The following SYVN1 variants were observed in gnomAD, a reference collection of about 807,000 sequenced individuals.
SYVN1 encodes the protein E3 ubiquitin-protein ligase synoviolin.
Under a neutral mutation model 62.6 loss-of-function variants are expected in SYVN1, and 17 were observed. The ratio of observed to expected loss-of-function variants is 0.27; its 90% CI spans 0.19 to 0.41. The LOEUF (loss-of-function observed/expected upper bound fraction) is 0.41. Among genes scored for constraint, SYVN1 ranks in the 10% least tolerant of loss-of-function variants. The pLI is 1.00. For synonymous variants in SYVN1, 316 were observed against 304.0 expected (o/e 1.04, Z -0.41); for missense variants, 634 against 818.0 (o/e 0.78, Z 2.74).
At position 65,131,168 on chromosome 11, in the gene SYVN1, ATGG is replaced by A; in HGVS notation, c.785_787del (p.Ala262_Ile263delinsVal). The A allele has an allele frequency of 6.2e-7, 1 of 1,614,166 alleles. No homozygotes were observed. The highest frequency in any genetic ancestry group is 8.5e-7 in the Non-Finnish European group (1 of 1,180,020). ...GTTGCGGATGGCTCGGCGAGACATG[ATGG>A]CATCTGTCACAGCTTTCTTGAACTG... On this transcript the variant is annotated inframe_deletion, in exon 9 of 16. Transcript: ENST00000377190.
chr11:65,127,297 A>C lies in SYVN1; in HGVS notation c.*1085T>G. ...CCACCAATTGTTAATGCAAGTTTTT[A>C]TTTGGCTGTATATACAATTTAAGCT... On this transcript the variant is annotated 3_prime_UTR_variant, in exon 16 of 16. Coordinates refer to ENST00000377190, the MANE Select transcript of SYVN1 (RefSeq NM_172230.3). The C allele has an allele frequency of 2.2e-6, 1 of 459,002 alleles. No individual in the cohort carries two copies. Among genetic ancestry groups the C allele is most frequent in the Non-Finnish European group, 3.8e-6 (1 of 260,276 alleles). The allele number at this position is 459,002 out of a possible 1,614,324, so 28.4% of individuals were successfully genotyped here. A position where few individuals can be genotyped will look rare whatever the true frequency, so the allele number is the denominator to read the frequency against.
chr11:65,133,507 G>C lies in SYVN1; in HGVS notation c.95C>G (p.Thr32Ser), dbSNP rs1948207814. Reference protein sequence around the residue: ...AYYLKHQFYPTVVYLTKSSPS... With the variant: ...AYYLKHQFYPSVVYLTKSSPS... Reference sequence around the variant, plus strand: ...GCTGGACTTGGTCAGGTACACCACAGTGGGGTAGAACTGGTGTTTGAGGTA... The same window carrying C: ...GCTGGACTTGGTCAGGTACACCACACTGGGGTAGAACTGGTGTTTGAGGTA... The change falls in exon 2 of 16, where the codon ACT (threonine) becomes AGT (serine). Residue 32 changes from threonine (T) to serine (S), a missense_variant. By Grantham distance (58) the Thr-to-Ser change is moderately conservative (BLOSUM62 1). Coordinates refer to ENST00000377190, the MANE Select transcript of SYVN1 (RefSeq NM_172230.3). The C allele has an allele frequency of 1.2e-6, 2 of 1,613,872 alleles. No individual in the cohort carries two copies. Among genetic ancestry groups the C allele is most frequent in the Non-Finnish European group, 1.7e-6 (2 of 1,180,040 alleles).
At position 65,128,270 on chromosome 11, in the gene SYVN1, TG is replaced by T; in HGVS notation, c.*111del. ...GGGGATGCCGCCTCTTTCTCAGAGC[TG>T]GGGGTACTACTCCCTGGTGCAGACA... is the stretch of plus-strand genomic sequence containing the variant. On this transcript the variant is annotated 3_prime_UTR_variant, in exon 16 of 16. Transcript: ENST00000377190. The T allele has an allele frequency of 1.1e-6, 1 of 885,748 alleles. No homozygotes were observed. 54.9% of individuals were successfully genotyped at this position (885,748 alleles called of 1,614,324 possible).
At position 65,128,713 on chromosome 11, in the gene SYVN1, G is replaced by A. The variant is rs932236637; in HGVS notation, c.1597C>T (p.Pro533Ser). Residue 533 changes from proline to serine, a missense_variant and splice_region_variant, in exon 15 of 16, where the codon CCC becomes TCC. This residue lies in a region of SYVN1 where 351 missense variants were observed against 373.3 expected (regional missense o/e 0.94). Transcript: ENST00000377190. ...QYLTVLASLG[P>S]PRPATSVNST... ...TTGACTGAAGTGGCAGGCCGGGGGG[G>A]CCTGGGAAGAGAAGGGACGAGAGGC... is the stretch of plus-strand genomic sequence containing the variant. 2.5e-6 allele frequency: 4 copies of A among 1,605,108 alleles called. 1 individual carries two copies. In the African/African-American group the frequency reaches 4.0e-5, roughly 16 times the overall value.
In SYVN1 at chr11:65,130,643, G is replaced by A; in HGVS notation, c.1105+17C>T. ...TATCCAGTGGTATGCCGGGTGGCCA[G>A]ACAAGGGGATACTCACAGTTGGGGG... is the stretch of plus-strand genomic sequence containing the variant. On this transcript the variant is annotated intron_variant, in intron 11 of 15. Coordinates refer to ENST00000377190, the MANE Select transcript of SYVN1 (RefSeq NM_172230.3). 1 of 1,302,294 alleles carries A rather than the reference G, an allele frequency of 7.7e-7. No homozygotes were observed. Among genetic ancestry groups the A allele is most frequent in the Non-Finnish European group, 9.9e-7 (1 of 1,006,610 alleles). The allele number at this position is 1,302,294 out of a possible 1,614,324, so 80.7% of individuals were successfully genotyped here.
In SYVN1 at chr11:65,128,574, T is replaced by C; in HGVS notation, c.1736A>G (p.Glu579Gly). The change falls in exon 15 of 16, where the codon GAA becomes GGA. Residue 579 changes from glutamate to glycine, a missense_variant. Glu to Gly is a moderately conservative substitution (Grantham distance 98). Transcript: ENST00000377190. The stretch of plus-strand genomic sequence containing the variant: ...CCAATCACACCTACCTGGAGGCCTT[T>C]CCATTTCAGGGGCTGGTGGGGAGGC... The part of the protein sequence containing the change: ...PGASPPAPEM[E>G]RPPAPESVGT... 6 of 1,614,018 alleles carry C rather than the reference T, an allele frequency of 3.7e-6. No homozygotes were observed. The highest frequency in any genetic ancestry group is 5.1e-6 in the Non-Finnish European group (6 of 1,179,974).
At position 65,129,876 on chromosome 11, in the gene SYVN1, C is replaced by G. The variant is rs1266794388; in HGVS notation, c.1448G>C (p.Gly483Ala). Residue 483 changes from glycine (G) to alanine (A), a missense_variant, in exon 14 of 16, where the codon GGG (glycine) becomes GCG (alanine). This residue lies in a region of SYVN1 where 351 missense variants were observed against 373.3 expected (regional missense o/e 0.94). Transcript: ENST00000377190. ...AGCTCGTAGCTCCTCTGGGGTCAGC[C>G]CAGCAAAGCCCGCAGGGGGCACAGG... ...PMPVPPAGFA[G>A]LTPEELRALE... 1 of 1,614,082 alleles carries G rather than the reference C, an allele frequency of 6.2e-7. No homozygotes were observed. Among genetic ancestry groups the G allele is most frequent in the East Asian group, 2.2e-5 (1 of 44,890 alleles).
chr11:65,128,230 T>C lies in SYVN1; in HGVS notation c.*152A>G, dbSNP rs1301167611. Reference sequence around the variant, plus strand: ...GGAGTCAAATGGGAACCCCAGCCTCTTTCCACTTGGCCTAGGGGATGCCGC... The same window carrying C: ...GGAGTCAAATGGGAACCCCAGCCTCCTTCCACTTGGCCTAGGGGATGCCGC... On this transcript the variant is annotated 3_prime_UTR_variant, in exon 16 of 16. Coordinates refer to ENST00000377190, the MANE Select transcript of SYVN1 (RefSeq NM_172230.3). 6.1e-6 allele frequency: 4 copies of C among 659,136 alleles called. No homozygotes were observed. Among genetic ancestry groups the C allele is most frequent in the East Asian group, 2.7e-5 (1 of 36,746 alleles). 40.8% of individuals were successfully genotyped at this position (659,136 alleles called of 1,614,324 possible).
In SYVN1 at chr11:65,131,575, C is replaced by T; in HGVS notation, c.553G>A (p.Val185Met). The T allele has an allele frequency of 3.7e-6, 6 of 1,613,798 alleles. No homozygotes were observed. The highest frequency in any genetic ancestry group is 5.1e-6 in the Non-Finnish European group (6 of 1,179,968). Reference protein sequence around the residue: ...GFEYAILMTMVLTIFIKYVLH... With the variant: ...GFEYAILMTMMLTIFIKYVLH... Reference sequence around the variant, plus strand: ...ACATACTTGATGAAGATGGTGAGCACCATCGTCATCAGGATGGCATACTGA... The same window carrying T: ...ACATACTTGATGAAGATGGTGAGCATCATCGTCATCAGGATGGCATACTGA... The change falls in exon 7 of 16, where the codon GTG (valine) becomes ATG (methionine). Residue 185 changes from valine (V) to methionine (M), a missense_variant. Physicochemically the swap from Val to Met is conservative, Grantham distance 21 (BLOSUM62 1). Coordinates refer to ENST00000377190, the MANE Select transcript of SYVN1 (RefSeq NM_172230.3).
rs201779143 is a variant in SYVN1, at chr11:65,130,155, C to G, written c.1255G>C (p.Gly419Arg). ...CCAGCAGCTGTGGTTGTAGCTGCTC[C>G]ACTGGGCCGAGAAAGGGCTGCTGAA... ...TSAAALSRPS[G>R]AATTTAAGTS... Residue 419 changes from glycine (G) to arginine (R), a missense_variant, in exon 13 of 16, where the codon GGA becomes CGA. Physicochemically the swap from Gly to Arg is moderately radical, Grantham distance 125. Around this residue, in one of 2 missense-constraint regions of SYVN1, gnomAD observed 351 missense variants for 373.3 expected, o/e 0.94. Coordinates refer to ENST00000377190, the MANE Select transcript of SYVN1 (RefSeq NM_172230.3). 226 of 1,606,658 alleles carry G rather than the reference C, an allele frequency of 1.4e-4. No individual in the cohort carries two copies. Among genetic ancestry groups the G allele is most frequent in the Non-Finnish European group, 1.8e-4 (210 of 1,175,830 alleles).
chr11:65,129,216 A>G (rs1359381540), intron 14 of SYVN1: 1 of 171,946 alleles, frequency 5.8e-6, no homozygotes, highest in Non-Finnish European at 1.3e-5. Context: ...TCAGCCTTCC[A>G]AAGTGCTGAT....
At position 65,132,820 on chromosome 11, in the gene SYVN1, G is replaced by A. The variant is rs745983597; in HGVS notation, c.379-40C>T. ...AGAAGAGGCCTGTCAGGAGGCCTGG[G>A]GCTCACCCCACACCCTCAACCTAGC... On this transcript the variant is annotated intron_variant, in intron 4 of 15. Coordinates refer to ENST00000377190, the MANE Select transcript of SYVN1 (RefSeq NM_172230.3). 3.1e-6 allele frequency: 5 copies of A among 1,613,442 alleles called. No homozygotes were observed. In the South Asian group the frequency reaches 3.3e-5, roughly 11 times the overall value.
Position 65,129,906 on chromosome 11 carries a change from G to C in SYVN1, c.1418C>G (p.Pro473Arg), listed in dbSNP as rs191858723. ...MPLPPPFAFP[P>R]MPVPPAGFAG... ...AAAGCCCGCAGGGGGCACAGGCATT[G>C]GGGGGAAGGCTGGAGAGAGAGAGGC... Residue 473 changes from proline (P) to arginine (R), a missense_variant, in exon 14 of 16, where the codon CCA becomes CGA. By Grantham distance (103) the Pro-to-Arg change is moderately radical. This residue lies in a region of SYVN1 where 351 missense variants were observed against 373.3 expected (regional missense o/e 0.94). Coordinates refer to ENST00000377190, the MANE Select transcript of SYVN1 (RefSeq NM_172230.3). The C allele has an allele frequency of 1.9e-6, 3 of 1,613,490 alleles. No individual in the cohort carries two copies. Among genetic ancestry groups the C allele is most frequent in the South Asian group, 2.2e-5 (2 of 91,056 alleles).
chr11:65,133,300 C>T, intron 2 of SYVN1, 48 bp from the exon 3 acceptor site: 1 of 1,599,288 alleles, frequency 6.3e-7, no homozygotes, highest in Admixed American at 1.7e-5. Context: ...CTGCTTTCCT[C>T]TCCTTGGGAC....
Position 65,130,385 on chromosome 11 carries a change from G to A in SYVN1, c.1106-6C>T, listed in dbSNP as rs1178114258. ...AGGCAGGAGGCCCTGGGGGACTGCA[G>A]AGAGAAGACGGAGGTAAGGAAAGGG... On this transcript the variant is annotated splice_region_variant and splice_polypyrimidine_tract_variant and intron_variant, in intron 11 of 15. Transcript: ENST00000377190. 9 of 1,525,152 alleles carry A rather than the reference G, an allele frequency of 5.9e-6. No homozygotes were observed. Among genetic ancestry groups the A allele is most frequent in the Admixed American group, 2.2e-5 (1 of 45,234 alleles). 94.5% of individuals were successfully genotyped at this position (1,525,152 alleles called of 1,614,324 possible).
rs1948222735 is a variant in SYVN1, at chr11:65,134,486, C to G, written c.-48G>C. The G allele has an allele frequency of 6.5e-6, 1 of 152,766 alleles. No homozygotes were observed. The highest frequency in any genetic ancestry group is 6.5e-5 in the Admixed American group (1 of 15,294). The allele number at this position is 152,766 out of a possible 1,614,324, so 9.5% of individuals were successfully genotyped here. On this transcript the variant is annotated 5_prime_UTR_variant, in exon 1 of 16. Coordinates refer to ENST00000377190, the MANE Select transcript of SYVN1 (RefSeq NM_172230.3). Reference sequence around the variant, plus strand: ...ACCCAGCGCCGCGAGCCCGCTCAATCCGCGCGACTGCGGCTGCCCCTCCGG... The same window carrying G: ...ACCCAGCGCCGCGAGCCCGCTCAATGCGCGCGACTGCGGCTGCCCCTCCGG...
rs146285421 is a variant in SYVN1 at position 65,129,745 on chromosome 11, C to T, written c.1579G>A (p.Val527Met). The change falls in exon 14 of 16, where the codon GTG becomes ATG. Residue 527 changes from valine (V) to methionine (M), a missense_variant. Val to Met is a conservative substitution (Grantham distance 21). Transcript: ENST00000377190. ...AMLQINQYLT[V>M]LASLGPPRPA... is the part of the protein sequence containing the mutation. ...CAGACACACCCCAAGGAGGCCAGCA[C>T]GGTGAGGTACTGGTTGATCTGCAGC... 6.8e-6 allele frequency: 11 copies of T among 1,614,090 alleles called. No homozygotes were observed. Among genetic ancestry groups the T allele is most frequent in the East Asian group, 2.2e-5 (1 of 44,898 alleles).
At chr11:65,132,691 A>C in intron 5 of SYVN1, 41 bp downstream of exon 5, 1 of 1,607,502 alleles carries the variant, frequency 6.2e-7, no homozygotes, top group Non-Finnish European at 8.5e-7. Flanking sequence ...TCCACGGTTC[A>C]CGTTCCAGTC....
Position 65,128,358 on chromosome 11 carries a change from G to A in SYVN1, c.*24C>T, listed in dbSNP as rs190379927. On this transcript the variant is annotated 3_prime_UTR_variant, in exon 16 of 16. Transcript: ENST00000377190. Reference sequence around the variant, plus strand: ...AGCGAGGGCTGCTCAAAAGAGCAGAGGCTGGGGCTGGGCTGGGGCAGTGTC... The same window carrying A: ...AGCGAGGGCTGCTCAAAAGAGCAGAAGCTGGGGCTGGGCTGGGGCAGTGTC... 234 of 1,592,120 alleles carry A rather than the reference G, an allele frequency of 1.5e-4. No individual in the cohort carries two copies. In the African/African-American group the frequency reaches 2.7e-3, roughly 19 times the overall value.
Sources: allele counts gnomAD v4.1 joint callset, GRCh38; gene constraint gnomAD v4.1.1; regional missense constraint gnomAD v4.1.1; transcripts MANE v1.5; gene names NCBI Gene and HGNC (gene_info 2026-07-23, HGNC 2026-07-21).